Variants in GPR132 observed in about 807,000 individuals in gnomAD.
GPR132 encodes G protein-coupled receptor 132.
In GPR132, 4 loss-of-function variants were observed where a neutral mutation model predicts 1.9. The observed-to-expected ratio is 2.13, with a 90% CI of 1.05 to 4.87. The LOEUF (loss-of-function observed/expected upper bound fraction) is 4.87, where lower values mean the gene tolerates loss of function less well. GPR132 is among the 30% of genes most tolerant of loss of function. GPR132 has a pLI of 0.01. For missense variants in GPR132, 404 were observed against 512.5 expected, an observed-to-expected ratio of 0.79 and a Z score of 2.04; for synonymous variants, 233 against 234.2, an observed-to-expected ratio of 0.99 and a Z score of 0.05.
In GPR132 at chr14:105,056,139, GTGTCGTGTCCCT is replaced by G; in HGVS notation, c.-731_-720del. On this transcript the variant is annotated 5_prime_UTR_variant, in exon 3 of 4. Transcript: ENST00000329797. The surrounding 1 kb of genome is among the most constrained non-coding windows in gnomAD (Gnocchi z 6.0). Reference sequence around the variant, plus strand: ...GCGCTTGCTGGGTTTCTCCGGGTGAGTGTCGTGTCCCTTGCTCACCTTCCTCCCTGGGCAGAG... The same window carrying G: ...GCGCTTGCTGGGTTTCTCCGGGTGAGTGCTCACCTTCCTCCCTGGGCAGAG... 1 of 986,010 alleles carries G rather than the reference GTGTCGTGTCCCT, an allele frequency of 1.0e-6. No homozygotes were observed. Among genetic ancestry groups the G allele is most frequent in the East Asian group, 1.1e-4 (1 of 8,822 alleles). 61.1% of individuals were successfully genotyped at this position (986,010 alleles called of 1,614,324 possible).
chr14:105,050,862 T>C lies in GPR132; in HGVS notation c.*132A>G. 6 of 843,954 alleles carry C rather than the reference T, an allele frequency of 7.1e-6. No homozygotes were observed. The South Asian group carries it at 1.1e-4, about 15-fold the overall frequency. The allele number at this position is 843,954 out of a possible 1,614,324, so 52.3% of individuals were successfully genotyped here. On this transcript the variant is annotated 3_prime_UTR_variant, in exon 4 of 4. Transcript: ENST00000329797. This position sits in a 1 kb window ranked among gnomAD's most constrained non-coding sequence, Gnocchi z 4.0. Reference sequence around the variant, plus strand: ...GGCCAGTGGTCACGGAGGGAGTGGCTTCAGGAACGAGAAATTGGTAGTTTG... The same window carrying C: ...GGCCAGTGGTCACGGAGGGAGTGGCCTCAGGAACGAGAAATTGGTAGTTTG...
Position 105,058,716 on chromosome 14 carries a change from G to A in GPR132, c.-860-1436C>T, listed in dbSNP as rs552276809. ...GTGTCACCCACAGCATGAGGGGCCC[G>A]GAGGAGGGAGGCATGATGGGCGGGC... On this transcript the variant is annotated intron_variant, in intron 1 of 3. Coordinates refer to ENST00000329797, the MANE Select transcript of GPR132 (RefSeq NM_013345.4). Among the ~76,000 whole-genome samples, 123 of 152,382 alleles carry A rather than the reference G, an allele frequency of 8.1e-4. 1 individual carries two copies. Among genetic ancestry groups the A allele is most frequent in the Non-Finnish European group, 1.4e-3 (98 of 68,026 alleles).
At position 105,055,765 on chromosome 14, in the gene GPR132, A is replaced by G; in HGVS notation, c.-345T>C. ...CTCCAGGGTCTCGCCAAAAATATAA[A>G]TATATATATATATTCCACTGTGCCC... On this transcript the variant is annotated 5_prime_UTR_variant, in exon 3 of 4. Coordinates refer to ENST00000329797, the MANE Select transcript of GPR132 (RefSeq NM_013345.4). The surrounding 1 kb of genome is among the most constrained non-coding windows in gnomAD (Gnocchi z 4.7). 3.8e-6 allele frequency: 1 copy of G among 262,200 alleles called. No homozygotes were observed. Among genetic ancestry groups the G allele is most frequent in the East Asian group, 7.0e-5 (1 of 14,224 alleles). The allele number at this position is 262,200 out of a possible 1,614,324, so 16.2% of individuals were successfully genotyped here. A position where few individuals can be genotyped will look rare whatever the true frequency, so the allele number is the denominator to read the frequency against.
chr14:105,053,659 T>C (rs1886711206), intron 3 of GPR132, among the ~76,000 whole-genome samples: 1 of 151,858 alleles, frequency 6.6e-6, no homozygotes. Flanking sequence ...GATCCTCTTA[T>C]TACTATGTCA....
intron 1 of GPR132, among the ~76,000 whole-genome samples, chr14:105,063,304 C>T (rs1886998487): frequency 6.6e-6 from 1 of 152,000 alleles, no homozygotes; most frequent in South Asian, 2.1e-4. Context: ...TGACCTCACC[C>T]AGCCACTGTC....
Position 105,050,020 on chromosome 14 carries a change from G to A in GPR132, c.*974C>T, listed in dbSNP as rs938999118. ...CGGGGCAGGGAGGAGGATTGATCTC[G>A]ATGGTGACCCAGTGAGGTAGGTGTC... is the stretch of plus-strand genomic sequence containing the variant. On this transcript the variant is annotated 3_prime_UTR_variant, in exon 4 of 4. Transcript: ENST00000329797. The surrounding 1 kb of genome is among the most constrained non-coding windows in gnomAD (Gnocchi z 4.0). 2.6e-5 allele frequency: 4 copies of A among 152,466 alleles called. No homozygotes were observed. Among genetic ancestry groups the A allele is most frequent in the African/African-American group, 7.2e-5 (3 of 41,458 alleles). The allele number at this position is 152,466 out of a possible 1,614,324, so 9.4% of individuals were successfully genotyped here. A position where few individuals can be genotyped will look rare whatever the true frequency, so the allele number is the denominator to read the frequency against.
rs1408341205 is a variant in GPR132, at chr14:105,056,652, C to T, written c.-746-486G>A. 3.3e-5 allele frequency among the ~76,000 whole-genome samples: 5 copies of T among 152,234 alleles called. No homozygotes were observed. The highest frequency in any genetic ancestry group is 1.2e-4 in the African/African-American group (5 of 41,468). On this transcript the variant is annotated intron_variant, in intron 2 of 3. Transcript: ENST00000329797. The surrounding 1 kb of genome is among the most constrained non-coding windows in gnomAD (Gnocchi z 6.0). ...GTCCCGCACCCCCTGCTCCAGGCCT[C>T]ACGCAGCCTTGGGACCTTCACCTCT...
chr14:105,052,372 G>C (rs539017399), intron 3 of GPR132, among the ~76,000 whole-genome samples: 2 of 152,170 alleles, frequency 1.3e-5, no homozygotes, highest in Admixed American at 6.5e-5. Context: ...TTGTGGCCCA[G>C]GTTGGAGTGC....
In GPR132 at chr14:105,056,548, C is replaced by A. The variant is rs980129915; in HGVS notation, c.-746-382G>T. On this transcript the variant is annotated intron_variant, in intron 2 of 3. Coordinates refer to ENST00000329797, the MANE Select transcript of GPR132 (RefSeq NM_013345.4). This position sits in a 1 kb window ranked among gnomAD's most constrained non-coding sequence, Gnocchi z 6.0. ...CTGCACAGAGCCGCTCTGGTCTGTT[C>A]CCTCCCCGACTTCCTACGGCTCCCC... Among the ~76,000 whole-genome samples, 4 of 152,206 alleles carry A rather than the reference C, an allele frequency of 2.6e-5. No individual in the cohort carries two copies. Among genetic ancestry groups the A allele is most frequent in the African/African-American group, 9.6e-5 (4 of 41,460 alleles).
Position 105,055,285 on chromosome 14 carries a change from C to T in GPR132, c.34+102G>A, listed in dbSNP as rs1886759832. ...GAAGCTGCAGTGAGCCGAGATTGTGCCACTGCACTCCAGCCTGGGCGATAG... is the reference window on the plus strand; with the variant it reads ...GAAGCTGCAGTGAGCCGAGATTGTGTCACTGCACTCCAGCCTGGGCGATAG... On this transcript the variant is annotated intron_variant, in intron 3 of 3. Coordinates refer to ENST00000329797, the MANE Select transcript of GPR132 (RefSeq NM_013345.4). The surrounding 1 kb of genome is among the most constrained non-coding windows in gnomAD (Gnocchi z 4.7). 3.9e-6 allele frequency: 3 copies of T among 767,274 alleles called. No individual in the cohort carries two copies. The highest frequency in any genetic ancestry group is 3.4e-5 in the Admixed American group (2 of 58,616). 47.5% of individuals were successfully genotyped at this position (767,274 alleles called of 1,614,324 possible). A position where few individuals can be genotyped will look rare whatever the true frequency, so the allele number is the denominator to read the frequency against.
rs192668779 is a variant in GPR132, at chr14:105,064,577, G to A, written c.-861+802C>T. On this transcript the variant is annotated intron_variant, in intron 1 of 3. Transcript: ENST00000329797. Reference sequence around the variant, plus strand: ...TCAAACTCCTGACCTCAAGTGATCCGCCCACCTCGGCCTCCCAAAGTGCTG... The same window carrying A: ...TCAAACTCCTGACCTCAAGTGATCCACCCACCTCGGCCTCCCAAAGTGCTG... Among the ~76,000 whole-genome samples the A allele has an allele frequency of 1.5e-3, 229 of 151,384 alleles. 2 individuals carry two copies. Among genetic ancestry groups the A allele is most frequent in the African/African-American group, 3.9e-3 (159 of 41,256 alleles).
intron 1 of GPR132, among the ~76,000 whole-genome samples, chr14:105,063,015 C>T (rs1194177996): frequency 1.3e-5 from 2 of 152,134 alleles, no homozygotes; most frequent in African/African-American, 2.4e-5. Context: ...AAACCTCCAC[C>T]TCCCAGGCTC....
intron 3 of GPR132, among the ~76,000 whole-genome samples, chr14:105,053,086 C>T (rs1195786805): frequency 6.6e-6 from 1 of 151,958 alleles, no homozygotes; most frequent in East Asian, 1.9e-4. Context: ...CCCACTTTGC[C>T]TCCACTTCCC....
intron 1 of GPR132, among the ~76,000 whole-genome samples, chr14:105,064,496 G>A (rs567663915): frequency 6.6e-6 from 1 of 152,154 alleles, no homozygotes; most frequent in African/African-American, 2.4e-5. Flanking sequence ...AACACGCCCG[G>A]CTAATTTTTG....
intron 1 of GPR132, among the ~76,000 whole-genome samples, chr14:105,064,978 G>T (rs1213682717): frequency 2.0e-5 from 3 of 152,006 alleles, no homozygotes; most frequent in African/African-American, 4.8e-5. Context: ...GAGAAGCCCA[G>T]CCCTTCAGTG....
chr14:105,051,212 C>T lies in GPR132; in HGVS notation c.925G>A (p.Val309Met), dbSNP rs757850974. The change falls in exon 4 of 4, where the codon GTG becomes ATG. Residue 309 changes from valine to methionine, a missense_variant. Val to Met is a conservative substitution (Grantham distance 21). Coordinates refer to ENST00000329797, the MANE Select transcript of GPR132 (RefSeq NM_013345.4). This position sits in a 1 kb window ranked among gnomAD's most constrained non-coding sequence, Gnocchi z 8.0. ...VNGVADPIIY[V>M]LATDHSRQEV... is the part of the protein sequence containing the mutation. ...TGGCGGGAATGGTCCGTGGCCAGCA[C>T]GTAGATAATGGGGTCAGCCACGCCG... The T allele has an allele frequency of 2.7e-5, 44 of 1,613,772 alleles. No homozygotes were observed. The highest frequency in any genetic ancestry group is 7.7e-5 in the South Asian group (7 of 91,086).
At chr14:105,057,047 G>C (rs1886814078) in intron 2 of GPR132, 120 bp downstream of exon 2, 1 of 732,398 alleles carries the variant, frequency 1.4e-6, no homozygotes, top group African/African-American at 1.7e-5. Context: ...TGCTGAGCTA[G>C]TTTTTATCTC....
rs1454838139 is a variant in GPR132, at chr14:105,055,043, A to G, written c.34+344T>C. Among the ~76,000 whole-genome samples, 1 of 151,106 alleles carries G rather than the reference A, an allele frequency of 6.6e-6. No individual in the cohort carries two copies. On this transcript the variant is annotated intron_variant, in intron 3 of 3. Coordinates refer to ENST00000329797, the MANE Select transcript of GPR132 (RefSeq NM_013345.4). This position sits in a 1 kb window ranked among gnomAD's most constrained non-coding sequence, Gnocchi z 4.7. ...CATCTCAAAAAAAAAAAAAAAAAAA[A>G]AATTCGGCCCCATGGGCCGTTCATT...
At chr14:105,053,297 A>G (rs902777072) in intron 3 of GPR132, among the ~76,000 whole-genome samples, 3 of 151,816 alleles carry the variant, frequency 2.0e-5, no homozygotes, top group African/African-American at 7.3e-5. Flanking sequence ...AGTAGCTGGC[A>G]TTACAGGCAT....
Sources: allele counts gnomAD v4.1 joint callset (sites outside exome capture counted in the v4.1 genomes callset), GRCh38; gene constraint gnomAD v4.1.1; non-coding constraint Gnocchi (gnomAD v3.1); transcripts MANE v1.5; gene names NCBI Gene and HGNC (gene_info 2026-07-23, HGNC 2026-07-21).